MGAT4C: variants seen among roughly 807,000 people sequenced by gnomAD.
MGAT4C encodes alpha-1,3-mannosyl-glycoprotein 4-beta-N-acetylglucosaminyltransferase C.
MGAT4C carries 19 observed loss-of-function variants against 40.1 expected under a neutral mutation model. The observed-to-expected ratio is 0.47, with a 90% CI of 0.33 to 0.70. The LOEUF (loss-of-function observed/expected upper bound fraction) is 0.70. MGAT4C is among the 30% of genes least tolerant of loss of function. The pLI is 0.02. For synonymous variants in MGAT4C, 181 were observed against 187.1 expected (o/e 0.97, Z 0.27); for missense variants, 491 against 563.2 (o/e 0.87, Z 1.30).
chr12:86,782,169 G>GTTTT (rs1951854318), intron 1 of MGAT4C, among the ~76,000 whole-genome samples: 1 of 42,994 alleles, frequency 2.3e-5, no homozygotes, highest in African/African-American at 7.4e-5. Flanking sequence ...AATGTTTTTT[G>GTTTT]TATTTTTTTT....
chr12:86,829,844 T>G (rs2136234797), intron 1 of MGAT4C, among the ~76,000 whole-genome samples: 1 of 150,082 alleles, frequency 6.7e-6, no homozygotes, highest in Non-Finnish European at 1.5e-5. Flanking sequence ...AACTTGACTA[T>G]TTTATTTGTT....
At chr12:86,339,112 T>C (rs1170418426) in intron 3 of MGAT4C, among the ~76,000 whole-genome samples, 1 of 152,182 alleles carries the variant, frequency 6.6e-6, no homozygotes, top group Non-Finnish European at 1.5e-5. Flanking sequence ...ATTATTGTTA[T>C]TATTGTTATC....
At chr12:86,238,342 T>G (rs1330307528) in intron 1 of MGAT4C, among the ~76,000 whole-genome samples, 1 of 152,042 alleles carries the variant, frequency 6.6e-6, no homozygotes, top group Admixed American at 6.6e-5. Context: ...ATATTTTATT[T>G]TAATCATTTT....
At chr12:86,614,663 G>A (rs1482649051) in intron 2 of MGAT4C, among the ~76,000 whole-genome samples, 1 of 150,230 alleles carries the variant, frequency 6.7e-6, no homozygotes, top group Non-Finnish European at 1.5e-5. Flanking sequence ...ATATATATAT[G>A]TTTAAATTAT....
chr12:86,566,451 C>CATACATATGTATACAATGTA, intron 2 of MGAT4C, among the ~76,000 whole-genome samples: 1 of 148,562 alleles, frequency 6.7e-6, no homozygotes, highest in East Asian at 2.0e-4. Flanking sequence ...CTCAGACTGG[C>CATACATATGTATACAATGTA]TCTCCTTGCT....
rs190102027 is a variant in MGAT4C at position 85,979,104 on chromosome 12, G to A, written c.*185C>T. On this transcript the variant is annotated 3_prime_UTR_variant, in exon 5 of 5. Coordinates refer to ENST00000611864, the MANE Select transcript of MGAT4C (RefSeq NM_001351288.2). ...TATAGACTGATATTCAACTTCAGACGTTAAAATAAATACAAGTGTGTATTA... is the reference window on the plus strand; with the variant it reads ...TATAGACTGATATTCAACTTCAGACATTAAAATAAATACAAGTGTGTATTA... 67 of 458,472 alleles carry A rather than the reference G, an allele frequency of 1.5e-4. No individual in the cohort carries two copies. The highest frequency in any genetic ancestry group is 3.1e-5 in the Non-Finnish European group (8 of 261,194). 28.4% of individuals were successfully genotyped at this position (458,472 alleles called of 1,614,324 possible). A position where few individuals can be genotyped will look rare whatever the true frequency, so the allele number is the denominator to read the frequency against.
intron 1 of MGAT4C, among the ~76,000 whole-genome samples, chr12:86,759,356 G>A (rs1160483361): frequency 6.6e-6 from 1 of 152,068 alleles, no homozygotes; most frequent in African/African-American, 2.4e-5. Flanking sequence ...CAGGAGTGCA[G>A]CCATCTCTTC....
At chr12:86,332,577 G>A (rs1257956228) in intron 4 of MGAT4C, among the ~76,000 whole-genome samples, 1 of 151,664 alleles carries the variant, frequency 6.6e-6, no homozygotes, top group African/African-American at 2.4e-5. Context: ...AATATATGAA[G>A]TAATCAAGTA....
chr12:86,409,581 G>A (rs1956562105), intron 3 of MGAT4C, among the ~76,000 whole-genome samples: 1 of 152,122 alleles, frequency 6.6e-6, no homozygotes, highest in Admixed American at 6.6e-5. Flanking sequence ...CTTCAGCCCA[G>A]CAACTACCTG....
At chr12:86,216,354 A>G (rs748430506) in intron 1 of MGAT4C, among the ~76,000 whole-genome samples, 5 of 152,218 alleles carry the variant, frequency 3.3e-5, no homozygotes, top group Non-Finnish European at 7.3e-5. Flanking sequence ...TACCACATCA[A>G]AAGCTTCCCT....
chr12:86,765,984 A>G (rs1397425087), intron 1 of MGAT4C, among the ~76,000 whole-genome samples: 1 of 152,184 alleles, frequency 6.6e-6, no homozygotes, highest in Admixed American at 6.5e-5. Context: ...ACCAGCTAAC[A>G]TCATAATGAC....
At chr12:86,470,224 C>T (rs1264133049) in intron 2 of MGAT4C, among the ~76,000 whole-genome samples, 5 of 152,150 alleles carry the variant, frequency 3.3e-5, no homozygotes, top group Admixed American at 1.3e-4. Context: ...AATTTACAGT[C>T]TTGCTTACTT....
At chr12:86,633,127 A>G (rs1438719751) in intron 2 of MGAT4C, among the ~76,000 whole-genome samples, 5 of 152,130 alleles carry the variant, frequency 3.3e-5, no homozygotes, top group Admixed American at 3.3e-4. Context: ...CCATAATTGA[A>G]GTAATAAATA....
chr12:86,044,445 T>C (rs1211358887), intron 2 of MGAT4C, among the ~76,000 whole-genome samples: 1 of 152,128 alleles, frequency 6.6e-6, no homozygotes, highest in African/African-American at 2.4e-5. Flanking sequence ...TCTGTGCACA[T>C]GTTTGCTCTG....
chr12:86,028,632 T>C (rs1343915748), intron 2 of MGAT4C, among the ~76,000 whole-genome samples: 1 of 151,930 alleles, frequency 6.6e-6, no homozygotes, highest in African/African-American at 2.4e-5. Flanking sequence ...AAGCCATCTC[T>C]TTAATTAAAA....
intron 4 of MGAT4C, among the ~76,000 whole-genome samples, chr12:86,268,896 T>G (rs1441600034): frequency 6.8e-6 from 1 of 146,586 alleles, no homozygotes; most frequent in African/African-American, 2.5e-5. Context: ...AGGGTGTTTT[T>G]TTTTTGCCTG....
chr12:86,548,401 A>G (rs1198905019), intron 2 of MGAT4C, among the ~76,000 whole-genome samples: 1 of 152,172 alleles, frequency 6.6e-6, no homozygotes, highest in Admixed American at 6.5e-5. Context: ...AAGTGAAAAT[A>G]TGACAGTTAA....
At chr12:86,561,995 A>C (rs530827085) in intron 2 of MGAT4C, among the ~76,000 whole-genome samples, 7 of 152,276 alleles carry the variant, frequency 4.6e-5, no homozygotes, top group Middle Eastern at 6.8e-3. Flanking sequence ...TACACATTTG[A>C]TACTCCTGAT....
At chr12:86,512,897 A>G (rs1958617282) in intron 2 of MGAT4C, among the ~76,000 whole-genome samples, 1 of 152,132 alleles carries the variant, frequency 6.6e-6, no homozygotes, top group South Asian at 2.1e-4. Context: ...GTATATTTAA[A>G]ATTATTTTTA....
Sources: allele counts gnomAD v4.1 joint callset (sites outside exome capture counted in the v4.1 genomes callset), GRCh38; gene constraint gnomAD v4.1.1; transcripts MANE v1.5; gene names NCBI Gene and HGNC (gene_info 2026-07-23, HGNC 2026-07-21).